The following YES1 variants were observed in gnomAD, a reference collection of about 807,000 sequenced individuals.
YES1 encodes the protein tyrosine-protein kinase Yes.
In YES1, 39 loss-of-function variants were observed where a neutral mutation model predicts 70.4. That is an observed-to-expected ratio of 0.55 (90% CI 0.43 to 0.72). The LOEUF is 0.72. YES1 is among the 30% of genes least tolerant of loss of function. The pLI is 0.00. For synonymous variants in YES1, 198 were observed against 218.6 expected, an observed-to-expected ratio of 0.91 and a Z score of 0.83; for missense variants, 495 against 644.8, an observed-to-expected ratio of 0.77 and a Z score of 2.52.
At position 745,617 on chromosome 18, in the gene YES1, T is replaced by C. The variant is rs577086159; in HGVS notation, c.724+91A>G. 6.5e-6 allele frequency: 8 copies of C among 1,226,684 alleles called. No individual in the cohort carries two copies. In the Middle Eastern group the frequency reaches 7.4e-4, roughly 114 times the overall value. 76.0% of individuals were successfully genotyped at this position (1,226,684 alleles called of 1,614,324 possible). A position where few individuals can be genotyped will look rare whatever the true frequency, so the allele number is the denominator to read the frequency against. The stretch of plus-strand genomic sequence containing the variant: ...GGCATGTATTATGTGTAAATAAGTG[T>C]GTTAAATCTTAAGAGAAATGAGGAT... On this transcript the variant is annotated intron_variant, in intron 6 of 11. Transcript: ENST00000314574.
At chr18:752,106 ATTTAAT>A (rs2080351439) in intron 2 of YES1, among the ~76,000 whole-genome samples, 1 of 152,098 alleles carries the variant, frequency 6.6e-6, no homozygotes, top group African/African-American at 2.4e-5. Context: ...GGAGAAACAA[ATTTAAT>A]TTTGTTTCTT....
intron 1 of YES1, among the ~76,000 whole-genome samples, chr18:769,661 A>G (rs988184133): frequency 6.6e-6 from 1 of 152,156 alleles, no homozygotes; most frequent in Non-Finnish European, 1.5e-5. Flanking sequence ...TTCTACATGT[A>G]CTTAGATTAT....
intron 1 of YES1, among the ~76,000 whole-genome samples, chr18:803,574 T>C (rs1906933768): frequency 6.6e-6 from 1 of 152,220 alleles, no homozygotes; most frequent in Non-Finnish European, 1.5e-5. Context: ...CAGGTTTCAC[T>C]GCCACTAGCA....
At chr18:783,766 C>CA (rs755351845) in intron 1 of YES1, among the ~76,000 whole-genome samples, 1 of 152,096 alleles carries the variant, frequency 6.6e-6, no homozygotes, top group African/African-American at 2.4e-5. Context: ...CAGGCGCTGC[C>CA]ACCATGCCCA....
chr18:774,442 A>G (rs1015889328), intron 1 of YES1, among the ~76,000 whole-genome samples: 3 of 152,108 alleles, frequency 2.0e-5, no homozygotes, highest in Non-Finnish European at 4.4e-5. Flanking sequence ...CAAATTTAAC[A>G]TTTCCAAGAA....
chr18:726,943 A>C (rs141113323), intron 11 of YES1, among the ~76,000 whole-genome samples: 3 of 152,230 alleles, frequency 2.0e-5, no homozygotes, highest in African/African-American at 7.2e-5. Flanking sequence ...GAAATGGACA[A>C]TCTGCTGTAA....
intron 1 of YES1, among the ~76,000 whole-genome samples, chr18:800,630 A>G (rs1555692129): frequency 1.3e-5 from 2 of 152,248 alleles, no homozygotes; most frequent in Non-Finnish European, 2.9e-5. Context: ...AGAAAAGGCT[A>G]CTAAGATGGT....
At chr18:788,766 T>C (rs1906093270) in intron 1 of YES1, among the ~76,000 whole-genome samples, 1 of 152,132 alleles carries the variant, frequency 6.6e-6, no homozygotes, top group African/African-American at 2.4e-5. Flanking sequence ...CTAAAAATAT[T>C]TTTTTAAAAA....
chr18:730,752 T>C (rs780703467), intron 11 of YES1, among the ~76,000 whole-genome samples: 14 of 152,236 alleles, frequency 9.2e-5, no homozygotes, highest in Non-Finnish European at 1.9e-4. Context: ...TGTAGTTGTT[T>C]ACAGTGCTAT....
intron 11 of YES1, among the ~76,000 whole-genome samples, chr18:731,830 G>C (rs2145675124): frequency 6.6e-6 from 1 of 152,100 alleles, no homozygotes; most frequent in African/African-American, 2.4e-5. Context: ...AGCTGGGCGT[G>C]GTGGCGGGTG....
At chr18:785,948 T>G (rs1387347931) in intron 1 of YES1, among the ~76,000 whole-genome samples, 1 of 151,952 alleles carries the variant, frequency 6.6e-6, no homozygotes, top group Non-Finnish European at 1.5e-5. Flanking sequence ...TAAAGTGAGT[T>G]TCTCTCTCTC....
chr18:732,768 T>C, intron 11 of YES1, 66 bp downstream of exon 11: 1 of 1,604,430 alleles, frequency 6.2e-7, no homozygotes, highest in Non-Finnish European at 8.5e-7. Context: ...CTTACAATTC[T>C]GTTCCTAATA....
At chr18:756,491 C>A in intron 2 of YES1, 66 bp downstream of exon 2, 1 of 1,574,524 alleles carries the variant, frequency 6.4e-7, no homozygotes, top group South Asian at 1.2e-5. Flanking sequence ...GCAGACAAGC[C>A]TTAAGTATAT....
intron 1 of YES1, among the ~76,000 whole-genome samples, chr18:770,713 A>AG (rs780339856): frequency 1.3e-5 from 2 of 152,074 alleles, no homozygotes; most frequent in Non-Finnish European, 2.9e-5. Context: ...CCCTTCTTTT[A>AG]GGGATCACAG....
chr18:759,678 T>C (rs2145748755), intron 1 of YES1, among the ~76,000 whole-genome samples: 1 of 150,668 alleles, frequency 6.6e-6, no homozygotes, highest in African/African-American at 2.5e-5. Context: ...TTAGGTATTA[T>C]AAGTAATCTG....
chr18:743,152 T>A, intron 7 of YES1, 55 bp from the exon 8 acceptor site: 1 of 1,546,146 alleles, frequency 6.5e-7, no homozygotes, highest in Middle Eastern at 2.1e-4. Flanking sequence ...TAGACCAAAC[T>A]TCAGTGAACA....
At chr18:793,665 G>A (rs143431006) in intron 1 of YES1, among the ~76,000 whole-genome samples, 188 of 152,186 alleles carry the variant, frequency 1.2e-3, no homozygotes, top group East Asian at 7.9e-3. Flanking sequence ...AAAAAAGTAA[G>A]AGAATTAACT....
chr18:725,812 A>C (rs915313094), intron 11 of YES1, among the ~76,000 whole-genome samples: 1 of 152,126 alleles, frequency 6.6e-6, no homozygotes, highest in African/African-American at 2.4e-5. Flanking sequence ...CTTGAACGGG[A>C]GGCGGAGGTT....
chr18:809,308 C>CT (rs576905731), intron 1 of YES1, among the ~76,000 whole-genome samples: 83 of 148,826 alleles, frequency 5.6e-4, no homozygotes, highest in African/African-American at 7.9e-4. Flanking sequence ...GAGTATTTGA[C>CT]TTTTTTTTTT....
Sources: allele counts gnomAD v4.1 joint callset (sites outside exome capture counted in the v4.1 genomes callset), GRCh38; gene constraint gnomAD v4.1.1; transcripts MANE v1.5; gene names NCBI Gene and HGNC (gene_info 2026-07-23, HGNC 2026-07-21).